GFRA1: variants seen among roughly 807,000 people sequenced by gnomAD.
The protein encoded by GFRA1 is GDNF family receptor alpha-1.
Under a neutral mutation model 51.6 loss-of-function variants are expected in GFRA1, and 16 were observed. The observed-to-expected ratio is 0.31, with a 90% CI of 0.21 to 0.47. The LOEUF (loss-of-function observed/expected upper bound fraction) is 0.47, where lower values mean the gene tolerates loss of function less well. GFRA1 is among the 20% of genes least tolerant of loss of function. GFRA1 has a pLI of 1.00. For missense variants in GFRA1, 530 were observed against 594.3 expected, an observed-to-expected ratio of 0.89 and a Z score of 1.13; for synonymous variants, 270 against 241.3, an observed-to-expected ratio of 1.12 and a Z score of -1.10.
chr10:116,100,783 C>G (rs1476397337), intron 6 of GFRA1, among the ~76,000 whole-genome samples: 3 of 152,094 alleles, frequency 2.0e-5, no homozygotes, highest in Middle Eastern at 3.2e-3. Context: ...GGGTGGTTCC[C>G]TAGGAGACCG....
At chr10:116,164,414 T>A (rs1251938611) in intron 5 of GFRA1, among the ~76,000 whole-genome samples, 1 of 152,200 alleles carries the variant, frequency 6.6e-6, no homozygotes, top group Non-Finnish European at 1.5e-5. Context: ...TAGTCTCTTT[T>A]GTGCTCTTGG....
At chr10:116,147,043 TGAGA>T (rs1032858778) in intron 5 of GFRA1, among the ~76,000 whole-genome samples, 11 of 129,632 alleles carry the variant, frequency 8.5e-5, no homozygotes, top group African/African-American at 3.2e-4. Flanking sequence ...TGTGTGTGTG[TGAGA>T]GAGAGAGAGA....
chr10:116,079,496 A>AG (rs10714898), intron 9 of GFRA1, among the ~76,000 whole-genome samples: 5 of 151,860 alleles, frequency 3.3e-5, no homozygotes, highest in African/African-American at 7.3e-5. Flanking sequence ...ATAAAGGAAA[A>AG]GGGGGGTCTC....
At chr10:116,140,029 G>T (rs1958496453) in intron 5 of GFRA1, among the ~76,000 whole-genome samples, 1 of 152,190 alleles carries the variant, frequency 6.6e-6, no homozygotes, top group African/African-American at 2.4e-5. Flanking sequence ...TGTGTCTAGA[G>T]CTGCCTCCAG....
At chr10:116,067,092 TG>T (rs1249714062) in intron 9 of GFRA1, among the ~76,000 whole-genome samples, 2 of 152,206 alleles carry the variant, frequency 1.3e-5, no homozygotes, top group African/African-American at 4.8e-5. Context: ...GAAGCATCCC[TG>T]GGCTGTTCAA....
At chr10:116,144,604 T>C (rs1264533518) in intron 5 of GFRA1, among the ~76,000 whole-genome samples, 1 of 152,120 alleles carries the variant, frequency 6.6e-6, no homozygotes, top group Non-Finnish European at 1.5e-5. Flanking sequence ...TGGCAAAGAA[T>C]GAACTACTTA....
intron 5 of GFRA1, among the ~76,000 whole-genome samples, chr10:116,211,140 C>A (rs186127042): frequency 6.6e-6 from 1 of 152,164 alleles, no homozygotes. Context: ...ACCCAGCTGG[C>A]GAGGTTGAAA....
At chr10:116,172,027 C>T (rs1489867133) in intron 5 of GFRA1, among the ~76,000 whole-genome samples, 2 of 152,162 alleles carry the variant, frequency 1.3e-5, no homozygotes, top group Admixed American at 6.5e-5. Context: ...GAATGCTTCC[C>T]TTGTCCCTAG....
chr10:116,080,953 G>A (rs192853551), intron 9 of GFRA1, among the ~76,000 whole-genome samples: 1 of 152,306 alleles, frequency 6.6e-6, no homozygotes, highest in African/African-American at 2.4e-5. Flanking sequence ...TGCAGCAAGG[G>A]GGCGACATGC....
intron 4 of GFRA1, among the ~76,000 whole-genome samples, chr10:116,268,123 C>A (rs2134809778): frequency 6.6e-6 from 1 of 152,280 alleles, no homozygotes; most frequent in African/African-American, 2.4e-5. Flanking sequence ...AATGAATTCC[C>A]TGGCAATGTC....
At chr10:116,110,788 C>T (rs532941415) in intron 6 of GFRA1, among the ~76,000 whole-genome samples, 8 of 152,246 alleles carry the variant, frequency 5.3e-5, no homozygotes, top group African/African-American at 1.7e-4. Context: ...GGGACAGGAA[C>T]AAAGAAGGAG....
At chr10:116,206,478 A>G (rs1443206419) in intron 5 of GFRA1, among the ~76,000 whole-genome samples, 3 of 152,160 alleles carry the variant, frequency 2.0e-5, no homozygotes, top group African/African-American at 4.8e-5. Flanking sequence ...CTCGGCTGCC[A>G]GAAACCAAAC....
chr10:116,081,020 T>C (rs534710647), intron 9 of GFRA1, among the ~76,000 whole-genome samples: 1 of 152,336 alleles, frequency 6.6e-6, no homozygotes, highest in East Asian at 1.9e-4. Context: ...CCCCAGACCT[T>C]GCCCTAGGCA....
chr10:116,132,494 CCTT>C (rs1958145115), intron 5 of GFRA1, among the ~76,000 whole-genome samples: 2 of 151,938 alleles, frequency 1.3e-5, no homozygotes, highest in African/African-American at 4.8e-5. Context: ...TTCATGCCTA[CCTT>C]ATTATTACTC....
At chr10:116,235,380 A>C (rs1045723790) in intron 4 of GFRA1, among the ~76,000 whole-genome samples, 1 of 152,194 alleles carries the variant, frequency 6.6e-6, no homozygotes. Flanking sequence ...TCTTTGCCTA[A>C]CAATGAATAA....
Position 116,060,527 on chromosome 10 carries a change from T to TTATC in GFRA1, c.*3867_*3870dup, listed in dbSNP as rs1225390254. Reference sequence around the variant, plus strand: ...CCCACTGTTGCACCTTGATTTTGCCTTATCTCGCCAACTCTCCAAGCTCAG... The same window carrying TTATC: ...CCCACTGTTGCACCTTGATTTTGCCTTATCTATCTCGCCAACTCTCCAAGCTCAG... On this transcript the variant is annotated 3_prime_UTR_variant, in exon 11 of 11. Coordinates refer to ENST00000355422, the MANE Select transcript of GFRA1 (RefSeq NM_005264.8). The TTATC allele has an allele frequency of 6.6e-6, 1 of 152,216 alleles. No individual in the cohort carries two copies. The allele number at this position is 152,216 out of a possible 1,614,324, so 9.4% of individuals were successfully genotyped here.
Position 116,123,364 on chromosome 10 carries a change from G to A in GFRA1, c.770+1857C>T, listed in dbSNP as rs187171794. On this transcript the variant is annotated intron_variant, in intron 6 of 10. Coordinates refer to ENST00000355422, the MANE Select transcript of GFRA1 (RefSeq NM_005264.8). ...CAGTTCATAAGACGCTTGGTCATCC[G>A]AGTCCTTCCTCATACAGCAGGTCAC... Among the ~76,000 whole-genome samples the A allele has an allele frequency of 4.6e-3, 693 of 152,284 alleles. 5 individuals are homozygous for A. The highest frequency in any genetic ancestry group is 0.014 in the African/African-American group (593 of 41,558).
At chr10:116,119,926 A>C (rs1957575155) in intron 6 of GFRA1, among the ~76,000 whole-genome samples, 1 of 152,222 alleles carries the variant, frequency 6.6e-6, no homozygotes. Context: ...CCAGTGTGGC[A>C]AATGTGGGGC....
intron 5 of GFRA1, among the ~76,000 whole-genome samples, chr10:116,159,892 C>T (rs1157110820): frequency 6.6e-6 from 1 of 152,212 alleles, no homozygotes; most frequent in East Asian, 1.9e-4. Flanking sequence ...GCTTATCAAT[C>T]ATATAAAATG....
Sources: allele counts gnomAD v4.1 joint callset (sites outside exome capture counted in the v4.1 genomes callset), GRCh38; gene constraint gnomAD v4.1.1; transcripts MANE v1.5; gene names NCBI Gene and HGNC (gene_info 2026-07-23, HGNC 2026-07-21).